The following HSD17B12 variants were observed in gnomAD, a reference collection of about 807,000 sequenced individuals.
The protein encoded by HSD17B12 is very-long-chain 3-oxoacyl-CoA reductase.
HSD17B12 carries 32 observed loss-of-function variants against 39.3 expected under a neutral mutation model. That is an observed-to-expected ratio of 0.81 (90% confidence interval 0.61 to 1.09). The LOEUF is 1.09. Ranked by LOEUF, HSD17B12 falls within the 50% of genes least tolerant of loss-of-function variation. HSD17B12 has a pLI of 0.00. For missense variants in HSD17B12, 342 were observed against 382.9 expected, an observed-to-expected ratio of 0.89 and a Z score of 0.89; for synonymous variants, 150 against 146.7, an observed-to-expected ratio of 1.02 and a Z score of -0.16.
intron 9 of HSD17B12, among the ~76,000 whole-genome samples, chr11:43,846,724 A>T (rs1199236909): frequency 1.3e-5 from 2 of 152,308 alleles, no homozygotes; most frequent in African/African-American, 4.8e-5. Context: ...AGTTTATCAA[A>T]CAGCTCCTGC....
chr11:43,850,790 C>T lies in HSD17B12; in HGVS notation c.685-3925C>T, dbSNP rs763010109. ...AGATACCAAGTTGTCGGGCCTGGTG[C>T]GGTGGTTCATGCCTGTAATCCCAGC... On this transcript the variant is annotated intron_variant, in intron 9 of 10. Transcript: ENST00000278353. 3.9e-5 allele frequency among the ~76,000 whole-genome samples: 6 copies of T among 152,312 alleles called. No homozygotes were observed. The South Asian group carries it at 6.2e-4, about 16-fold the overall frequency.
chr11:43,584,154 G>A, the HSD17B12 span, among the ~76,000 whole-genome samples: 1 of 152,288 alleles, frequency 6.6e-6, no homozygotes, highest in Non-Finnish European at 1.5e-5. Context: ...AGAGTCTGGA[G>A]CCAGATTTCC....
chr11:43,836,617 T>C (rs1951373483), intron 7 of HSD17B12, among the ~76,000 whole-genome samples: 1 of 152,118 alleles, frequency 6.6e-6, no homozygotes, highest in Non-Finnish European at 1.5e-5. Flanking sequence ...CACCACAGTC[T>C]AATTTTTGAA....
At chr11:43,752,205 G>T (rs1018205470) in intron 2 of HSD17B12, among the ~76,000 whole-genome samples, 4 of 152,082 alleles carry the variant, frequency 2.6e-5, no homozygotes, top group Non-Finnish European at 5.9e-5. Context: ...CATCAGGAAG[G>T]CTACACAGGT....
chr11:43,852,532 G>A (rs995423140), intron 9 of HSD17B12: 13 of 151,454 alleles, frequency 8.6e-5, no homozygotes, highest in African/African-American at 3.2e-4. Context: ...GTTTGCTTAT[G>A]TTCCTTCATT....
the HSD17B12 span, among the ~76,000 whole-genome samples, chr11:43,655,821 G>A: frequency 2.0e-5 from 3 of 152,160 alleles, no homozygotes; most frequent in Non-Finnish European, 2.9e-5. Context: ...ATTTTATTGA[G>A]GATTTTTGCA....
chr11:43,834,191 T>A (rs1253566441), intron 7 of HSD17B12: 2 of 152,170 alleles, frequency 1.3e-5, no homozygotes, highest in African/African-American at 4.8e-5. Flanking sequence ...CTTTTTGACA[T>A]AGATCTCTAT....
chr11:43,754,211 G>A (rs1335243175), intron 3 of HSD17B12, 90 bp downstream of exon 3: 5 of 853,420 alleles, frequency 5.9e-6, no homozygotes, highest in Non-Finnish European at 7.5e-6. Flanking sequence ...TCTAGTTCAG[G>A]AAACTTCTTT....
intron 9 of HSD17B12, chr11:43,848,373 C>T (rs1951499051): frequency 6.6e-6 from 1 of 152,142 alleles, no homozygotes; most frequent in Non-Finnish European, 1.5e-5. Context: ...TAAGAGGTCC[C>T]TCCAAACCAT....
chr11:43,633,456 C>T, the HSD17B12 span, among the ~76,000 whole-genome samples: 1 of 152,144 alleles, frequency 6.6e-6, no homozygotes, highest in Non-Finnish European at 1.5e-5. Context: ...CATTTGAACC[C>T]AGGAGGCAGA....
At chr11:43,637,412 T>C in the HSD17B12 span, among the ~76,000 whole-genome samples, 1 of 151,846 alleles carries the variant, frequency 6.6e-6, no homozygotes, top group African/African-American at 2.4e-5. Context: ...GTAGAGCTGG[T>C]ATTTCACCAT....
chr11:43,740,745 G>A, intron 1 of HSD17B12, among the ~76,000 whole-genome samples: 1 of 152,182 alleles, frequency 6.6e-6, no homozygotes, highest in East Asian at 1.9e-4. Context: ...TCACAACCTT[G>A]CTTCATGTTG....
At position 43,699,187 on chromosome 11, in the gene HSD17B12, C is replaced by A. The variant is rs1949939812; in HGVS notation, c.160+18200C>A. ...AGCTTGACATAACTGTTTAAAGTCT[C>A]ATTATTTTATTATAAGCATTATTAT... On this transcript the variant is annotated intron_variant, in intron 1 of 10. Transcript: ENST00000278353. Among the ~76,000 whole-genome samples, 3 of 152,086 alleles carry A rather than the reference C, an allele frequency of 2.0e-5. No individual in the cohort carries two copies. In the South Asian group the frequency reaches 6.2e-4, roughly 31 times the overall value.
the HSD17B12 span, among the ~76,000 whole-genome samples, chr11:43,583,905 CTT>C: frequency 6.6e-6 from 1 of 152,152 alleles, no homozygotes; most frequent in South Asian, 2.1e-4. Flanking sequence ...GCTGGGGAAA[CTT>C]TGTCCCCTGG....
chr11:43,839,739 A>AG (rs1328076668), intron 8 of HSD17B12, among the ~76,000 whole-genome samples: 1 of 152,178 alleles, frequency 6.6e-6, no homozygotes, highest in East Asian at 1.9e-4. Flanking sequence ...GGGGAGAAAA[A>AG]GATAAGAAAA....
At position 43,856,333 on chromosome 11, in the gene HSD17B12, A is replaced by G. The variant is rs1951582868; in HGVS notation, c.*1085A>G. The G allele has an allele frequency of 6.6e-6, 1 of 152,188 alleles. No individual in the cohort carries two copies. The highest frequency in any genetic ancestry group is 1.5e-5 in the Non-Finnish European group (1 of 68,046). The allele number at this position is 152,188 out of a possible 1,614,324, so 9.4% of individuals were successfully genotyped here. A position where few individuals can be genotyped will look rare whatever the true frequency, so the allele number is the denominator to read the frequency against. ...AAGAATTCAATACTGTGAAATATGC[A>G]GCAAGAAGATTGGTCTTTACCTAGG... On this transcript the variant is annotated 3_prime_UTR_variant, in exon 11 of 11. Transcript: ENST00000278353.
intron 1 of HSD17B12, among the ~76,000 whole-genome samples, chr11:43,749,761 T>C (rs1950448177): frequency 6.6e-6 from 1 of 151,972 alleles, no homozygotes. Flanking sequence ...AATAGTAAAA[T>C]TAGGGACCAT....
At chr11:43,579,629 CGCG>C in the HSD17B12 span, 2 of 152,296 alleles carry the variant, frequency 1.3e-5, no homozygotes, top group Non-Finnish European at 2.9e-5. Flanking sequence ...TGCCCCGCGC[CGCG>C]GCGGCGGCGG....
chr11:43,739,635 G>A (rs145015042), intron 1 of HSD17B12, among the ~76,000 whole-genome samples: 7 of 152,246 alleles, frequency 4.6e-5, no homozygotes, highest in African/African-American at 1.7e-4. Flanking sequence ...TGAGGGAGGA[G>A]ACTTCATGGC....
Sources: allele counts gnomAD v4.1 joint callset (sites outside exome capture counted in the v4.1 genomes callset), GRCh38; gene constraint gnomAD v4.1.1; transcripts MANE v1.5; gene names NCBI Gene and HGNC (gene_info 2026-07-23, HGNC 2026-07-21).